EXOC3L4: variants seen among roughly 807,000 people sequenced by gnomAD.
EXOC3L4 encodes exocyst complex component 3-like protein 4.
Under a neutral mutation model 69.7 loss-of-function variants are expected in EXOC3L4, and 62 were observed. The observed-to-expected ratio is 0.89, with a 90% CI of 0.72 to 1.10. The LOEUF (loss-of-function observed/expected upper bound fraction) is 1.10, where lower values mean the gene tolerates loss of function less well. Ranked by LOEUF, EXOC3L4 falls within the 50% of genes least tolerant of loss-of-function variation. The pLI is 0.00. For missense variants in EXOC3L4, 1,087 were observed against 1,034.8 expected (o/e 1.05, Z -0.69); for synonymous variants, 502 against 464.2 (o/e 1.08, Z -1.05).
At chr14:103,107,310 T>A in intron 8 of EXOC3L4, 114 bp from the exon 9 acceptor site, 1 of 1,482,356 alleles carries the variant, frequency 6.7e-7, no homozygotes, top group Non-Finnish European at 9.1e-7. Flanking sequence ...GGAGAGGGAA[T>A]GGCACCCCAA....
In EXOC3L4 at chr14:103,102,145, C is replaced by A; in HGVS notation, c.422C>A (p.Thr141Asn). ...GGCAAATCCGTGGCCGACCTCATTACTGAACGGCAACTGCTGGCGGCCTTC... is the reference window on the plus strand; with the variant it reads ...GGCAAATCCGTGGCCGACCTCATTAATGAACGGCAACTGCTGGCGGCCTTC... ...AEGKSVADLI[T>N]ERQLLAAFEQ... Residue 141 changes from threonine (T) to asparagine (N), a missense_variant, in exon 3 of 12, where the codon ACT becomes AAT. Transcript: ENST00000688303. 6.2e-7 allele frequency: 1 copy of A among 1,606,356 alleles called. No individual in the cohort carries two copies. Among genetic ancestry groups the A allele is most frequent in the Non-Finnish European group, 8.5e-7 (1 of 1,177,022 alleles).
chr14:103,108,641 G>A, intron 11 of EXOC3L4, 124 bp downstream of exon 11: 1 of 1,346,754 alleles, frequency 7.4e-7, no homozygotes, highest in Non-Finnish European at 1.0e-6. Flanking sequence ...GCAGGAGGTA[G>A]GCCTTGGACC....
At chr14:103,101,763 C>T (rs1161201976) in intron 2 of EXOC3L4, among the ~76,000 whole-genome samples, 1 of 152,248 alleles carries the variant, frequency 6.6e-6, no homozygotes, top group Non-Finnish European at 1.5e-5. Context: ...CACGCCCTGC[C>T]TGAGCTCCGA....
In EXOC3L4 at chr14:103,110,328, C is replaced by A; in HGVS notation, c.*105C>A. On this transcript the variant is annotated 3_prime_UTR_variant, in exon 12 of 12. Transcript: ENST00000688303. The stretch of plus-strand genomic sequence containing the variant: ...CTCTGGGCCCTGCCCCCAACTCTGA[C>A]ACTGCAGTTAGGGAATTTTTGTCGT... 1 of 1,329,992 alleles carries A rather than the reference C, an allele frequency of 7.5e-7. No homozygotes were observed. Among genetic ancestry groups the A allele is most frequent in the Non-Finnish European group, 1.0e-6 (1 of 961,446 alleles). The allele number at this position is 1,329,992 out of a possible 1,614,324, so 82.4% of individuals were successfully genotyped here. A position where few individuals can be genotyped will look rare whatever the true frequency, so the allele number is the denominator to read the frequency against.
intron 11 of EXOC3L4, 49 bp from the exon 12 acceptor site, chr14:103,109,982 G>A (rs566779417): frequency 4.6e-6 from 7 of 1,520,046 alleles, no homozygotes; most frequent in African/African-American, 1.4e-5. Flanking sequence ...TGGGGCTGGG[G>A]GTGTTGCGGA....
rs3070496 is a variant in EXOC3L4, at chr14:103,103,354, C to CAAAAAAAAA, written c.1050-578_1050-570dup. 1.3e-3 allele frequency among the ~76,000 whole-genome samples: 126 copies of CAAAAAAAAA among 94,640 alleles called. 1 individual carries two copies. Among genetic ancestry groups the CAAAAAAAAA allele is most frequent in the East Asian group, 9.2e-3 (28 of 3,032 alleles). The allele number at this position is 94,640 out of a possible 152,430, so 62.1% of individuals were successfully genotyped here. On this transcript the variant is annotated intron_variant, in intron 3 of 11. Transcript: ENST00000688303. The stretch of plus-strand genomic sequence containing the variant: ...TGGGCGACAGAGCAAGACTCTGTCT[C>CAAAAAAAAA]AAAAAAAAAAAAAAAAAGAAAGAAA...
chr14:103,099,303 G>A (rs552349870), intron 1 of EXOC3L4, among the ~76,000 whole-genome samples: 1 of 152,360 alleles, frequency 6.6e-6, no homozygotes, highest in East Asian at 1.9e-4. Flanking sequence ...AACGCTGGAA[G>A]GGGGTGTGGG....
At chr14:103,100,020 G>T in intron 1 of EXOC3L4, 184 bp from the exon 2 acceptor site, 1 of 611,440 alleles carries the variant, frequency 1.6e-6, no homozygotes, top group Non-Finnish European at 2.7e-6. Context: ...TCCGTGCCCA[G>T]CTGCGGCCTG....
intron 10 of EXOC3L4, 150 bp from the exon 11 acceptor site, chr14:103,108,246 G>T: frequency 8.3e-7 from 1 of 1,209,188 alleles, no homozygotes; most frequent in Non-Finnish European, 1.2e-6. Flanking sequence ...GTTCTGTTTT[G>T]GGGGAGGCAG....
intron 3 of EXOC3L4, among the ~76,000 whole-genome samples, chr14:103,103,368 AAAAG>A (rs1296080341): frequency 2.1e-4 from 31 of 146,206 alleles, no homozygotes; most frequent in African/African-American, 3.2e-4. Flanking sequence ...AAAAAAAAAA[AAAAG>A]AAAGAAAGAA....
chr14:103,106,882 T>A lies in EXOC3L4; in HGVS notation c.1564T>A (p.Leu522Met). 6.4e-7 allele frequency: 1 copy of A among 1,572,762 alleles called. No individual in the cohort carries two copies. Among genetic ancestry groups the A allele is most frequent in the East Asian group, 2.3e-5 (1 of 43,600 alleles). ...CSFQKHLLQG[L>M]QRELQPLFRV... ...CTTCCAGAAGCACTTGCTTCAGGGC[T>A]TGCAGCGTGAGTTGCAGGTGACTGT... Residue 522 changes from leucine (L) to methionine (M), a missense_variant, in exon 8 of 12, where the codon TTG (leucine) becomes ATG (methionine). Physicochemically the swap from Leu to Met is conservative, Grantham distance 15 (BLOSUM62 2). Transcript: ENST00000688303.
chr14:103,102,563 C>G lies in EXOC3L4; in HGVS notation c.840C>G (p.Ala280=), dbSNP rs1270511612. 2.0e-5 allele frequency: 29 copies of G among 1,443,238 alleles called. No homozygotes were observed. Among genetic ancestry groups the G allele is most frequent in the Non-Finnish European group, 2.5e-5 (27 of 1,100,916 alleles). The allele number at this position is 1,443,238 out of a possible 1,614,324, so 89.4% of individuals were successfully genotyped here. A position where few individuals can be genotyped will look rare whatever the true frequency, so the allele number is the denominator to read the frequency against. The change falls in exon 3 of 12, where the codon GCC becomes GCG. Residue 280 remains alanine (A), a synonymous_variant. Coordinates refer to ENST00000688303, the MANE Select transcript of EXOC3L4 (RefSeq NM_001077594.2). ...CGTCGGGTTTGGCCCAGCTTCTGGCCGAGCTGGGTGGCTTGGTTCGCCGCG... is the reference window on the plus strand; with the variant it reads ...CGTCGGGTTTGGCCCAGCTTCTGGCGGAGCTGGGTGGCTTGGTTCGCCGCG... ...EGASGLAQLL[A]ELGGLVRRDL...
intron 2 of EXOC3L4, 48 bp from the exon 3 acceptor site, chr14:103,102,070 G>T (rs1288863057): frequency 1.3e-6 from 2 of 1,541,612 alleles, no homozygotes; most frequent in South Asian, 1.2e-5. Context: ...GTCCAGGTTC[G>T]GGTCTTGGGG....
At chr14:103,096,627 G>A (rs963748812) in intron 1 of EXOC3L4, among the ~76,000 whole-genome samples, 4 of 152,126 alleles carry the variant, frequency 2.6e-5, no homozygotes, top group East Asian at 1.9e-4. Flanking sequence ...CTGATTGGTC[G>A]GGTGTGAGCT....
chr14:103,097,821 C>T lies in EXOC3L4; in HGVS notation c.-16-2383C>T, dbSNP rs1400735657. On this transcript the variant is annotated intron_variant, in intron 1 of 11. Transcript: ENST00000688303. This position sits in a 1 kb window ranked among gnomAD's most constrained non-coding sequence, Gnocchi z 4.9. ...GGGAAGCTGGAGGCTGGGCGTGCAG[C>T]CGGGAGGACAGAGAAGAAGCTGGGT... Among the ~76,000 whole-genome samples the T allele has an allele frequency of 6.6e-6, 1 of 152,058 alleles. No homozygotes were observed. Among genetic ancestry groups the T allele is most frequent in the Admixed American group, 6.6e-5 (1 of 15,266 alleles).
chr14:103,108,098 C>G (rs1890675229), intron 10 of EXOC3L4, among the ~76,000 whole-genome samples: 1 of 152,208 alleles, frequency 6.6e-6, no homozygotes, highest in African/African-American at 2.4e-5. Flanking sequence ...GGCACCAGCG[C>G]CCCTGCACAC....
chr14:103,095,426 G>C (rs767874160), intron 1 of EXOC3L4, among the ~76,000 whole-genome samples: 7 of 152,226 alleles, frequency 4.6e-5, no homozygotes, highest in Non-Finnish European at 7.3e-5. Flanking sequence ...GGCTCAGCTG[G>C]TCCGGGAAGG....
rs1890350610 is a variant in EXOC3L4 at position 103,103,716 on chromosome 14, G to A, written c.1050-225G>A. 6 of 527,916 alleles carry A rather than the reference G, an allele frequency of 1.1e-5. No individual in the cohort carries two copies. The Admixed American group carries it at 2.1e-4, about 19-fold the overall frequency. The allele number at this position is 527,916 out of a possible 1,614,324, so 32.7% of individuals were successfully genotyped here. A position where few individuals can be genotyped will look rare whatever the true frequency, so the allele number is the denominator to read the frequency against. ...GTGCCATCTGGGTAGCCGTCCTTCA[G>A]CGTTCTGCAGGAAGGCAGGAACCCA... is the stretch of plus-strand genomic sequence containing the variant. On this transcript the variant is annotated intron_variant, in intron 3 of 11. Coordinates refer to ENST00000688303, the MANE Select transcript of EXOC3L4 (RefSeq NM_001077594.2).
At chr14:103,099,929 G>A (rs754175447) in intron 1 of EXOC3L4, among the ~76,000 whole-genome samples, 6 of 152,222 alleles carry the variant, frequency 3.9e-5, no homozygotes, top group Admixed American at 6.5e-5. Flanking sequence ...GGCAGAGGCC[G>A]AGTGACGGTG....
Sources: gnomAD v4.1 joint callset for allele counts (sites outside exome capture counted in the v4.1 genomes callset) on GRCh38, gnomAD v4.1.1 for gene constraint, Gnocchi (gnomAD v3.1) non-coding constraint, MANE v1.5 for transcripts, NCBI Gene and HGNC (gene_info 2026-07-23, HGNC 2026-07-21) for gene names.